The following ITPR1 variants were observed in gnomAD, a reference collection of about 807,000 sequenced individuals.
The protein encoded by ITPR1 is inositol 1,4,5-trisphosphate receptor type 1.
Under a neutral mutation model 318.4 loss-of-function variants are expected in ITPR1, and 96 were observed. The ratio of observed to expected loss-of-function variants is 0.30; its 90% CI spans 0.26 to 0.36. The LOEUF (loss-of-function observed/expected upper bound fraction) is 0.36, where lower values mean the gene tolerates loss of function less well. ITPR1 is among the 10% of genes least tolerant of loss of function. The probability of loss-of-function intolerance (pLI) is 1.00; values close to 1 mark genes in which losing one functional copy is unlikely to be tolerated. For missense variants in ITPR1, 2,440 were observed against 3,460.2 expected, an observed-to-expected ratio of 0.71 and a Z score of 7.40; for synonymous variants, 1,312 against 1,289.9, an observed-to-expected ratio of 1.02 and a Z score of -0.37.
intron 4 of ITPR1, among the ~76,000 whole-genome samples, chr3:4,566,891 T>C (rs2087344895): frequency 6.6e-6 from 1 of 152,204 alleles, no homozygotes; most frequent in East Asian, 1.9e-4. Flanking sequence ...TCTTTTCCTC[T>C]CTCTTTCTCT....
At chr3:4,772,922 A>G (rs781711538) in intron 46 of ITPR1, among the ~76,000 whole-genome samples, 1 of 152,188 alleles carries the variant, frequency 6.6e-6, no homozygotes, top group Admixed American at 6.5e-5. Flanking sequence ...GGGGAGTTTG[A>G]AACACGTGGG....
intron 55 of ITPR1, 86 bp from the exon 56 acceptor site, chr3:4,811,177 ACT>A (rs2048919682): frequency 1.1e-6 from 1 of 902,922 alleles, no homozygotes; most frequent in African/African-American, 1.7e-5. Flanking sequence ...AAGAGGGCAA[ACT>A]CTCTATAAAC....
intron 61 of ITPR1, 134 bp from the exon 62 acceptor site, chr3:4,846,005 T>C: frequency 2.0e-6 from 1 of 512,408 alleles, no homozygotes; most frequent in Non-Finnish European, 3.5e-6. Context: ...GTGTTTGATA[T>C]AGCGATGGTA....
At chr3:4,600,181 T>C (rs1306387496) in intron 4 of ITPR1, among the ~76,000 whole-genome samples, 1 of 152,212 alleles carries the variant, frequency 6.6e-6, no homozygotes, top group Non-Finnish European at 1.5e-5. Flanking sequence ...TTTTTAAAAA[T>C]TTTACCTCTG....
chr3:4,726,652 G>T (rs2042537505), intron 41 of ITPR1, among the ~76,000 whole-genome samples: 1 of 152,140 alleles, frequency 6.6e-6, no homozygotes, highest in South Asian at 2.1e-4. Context: ...TAACGGTTTT[G>T]TTACAAGACT....
intron 36 of ITPR1, among the ~76,000 whole-genome samples, chr3:4,703,218 C>G (rs2094692040): frequency 1.3e-5 from 2 of 152,212 alleles, no homozygotes; most frequent in Admixed American, 1.3e-4. Context: ...AATTCTTTGG[C>G]AAGTAACGAT....
chr3:4,776,362 G>A (rs1452302552), intron 47 of ITPR1, among the ~76,000 whole-genome samples: 2 of 152,138 alleles, frequency 1.3e-5, no homozygotes, highest in African/African-American at 2.4e-5. Flanking sequence ...GAGCCACCGC[G>A]CCCAGCCAAG....
chr3:4,688,678 G>A, intron 31 of ITPR1, 58 bp downstream of exon 31: 1 of 1,554,004 alleles, frequency 6.4e-7, no homozygotes, highest in Non-Finnish European at 8.8e-7. Flanking sequence ...GAAGAGGGAG[G>A]AGGAACAGCT....
At position 4,800,460 on chromosome 3, in the gene ITPR1, A is replaced by G. The variant is rs777477125; in HGVS notation, c.6967A>G (p.Thr2323Ala). Residue 2323 changes from threonine to alanine, a missense_variant, in exon 54 of 62, where the codon ACA becomes GCA. Thr to Ala is a moderately conservative substitution (Grantham distance 58, BLOSUM62 0). This residue lies in a region of ITPR1 where 126 missense variants were observed against 150.8 expected (regional missense o/e 0.84). Transcript: ENST00000649015. Reference protein sequence around the residue: ...LEPHWSGLLWTAMLISLAIVI... With the variant: ...LEPHWSGLLWAAMLISLAIVI... ...GCCCCACTGGTCGGGACTCCTGTGG[A>G]CAGCCATGCTCATCTCTCTGGCCAT... 4 of 1,613,874 alleles carry G rather than the reference A, an allele frequency of 2.5e-6. No homozygotes were observed. In the South Asian group the frequency reaches 3.3e-5, roughly 13 times the overall value.
In ITPR1 at chr3:4,683,444, C is replaced by T. The variant is rs2125232589; in HGVS notation, c.3220C>T (p.Leu1074=). The T allele has an allele frequency of 6.2e-7, 1 of 1,614,048 alleles. No individual in the cohort carries two copies. Among genetic ancestry groups the T allele is most frequent in the Non-Finnish European group, 8.5e-7 (1 of 1,179,894 alleles). ...CGGCGGCAGAACCTTTCTCCGTGTC[C>T]TGCTCCACTTGACGATGCATGACTA... is the stretch of plus-strand genomic sequence containing the variant. ...DHGGRTFLRV[L]LHLTMHDYPP... The change falls in exon 27 of 62, where the codon CTG becomes TTG. Residue 1074 remains leucine, a synonymous_variant. Coordinates refer to ENST00000649015, the MANE Select transcript of ITPR1 (RefSeq NM_001378452.1).
chr3:4,502,439 C>T (rs2081089439), intron 2 of ITPR1, among the ~76,000 whole-genome samples: 1 of 151,638 alleles, frequency 6.6e-6, no homozygotes, highest in Non-Finnish European at 1.5e-5. Flanking sequence ...TTTTGTACCC[C>T]TCTCTCCTTT....
At chr3:4,745,315 T>G (rs2044024385) in intron 44 of ITPR1, among the ~76,000 whole-genome samples, 1 of 152,090 alleles carries the variant, frequency 6.6e-6, no homozygotes, top group South Asian at 2.1e-4. Context: ...TCACCCCAGT[T>G]TACTATCTTT....
At chr3:4,516,213 G>C (rs1255162855) in intron 2 of ITPR1, among the ~76,000 whole-genome samples, 1 of 152,202 alleles carries the variant, frequency 6.6e-6, no homozygotes, top group Non-Finnish European at 1.5e-5. Context: ...TCAACTTGTA[G>C]AATCTGATTC....
chr3:4,558,599 A>G (rs950033394), intron 4 of ITPR1, among the ~76,000 whole-genome samples: 11 of 152,188 alleles, frequency 7.2e-5, no homozygotes, highest in African/African-American at 2.7e-4. Flanking sequence ...TACTTTTTTA[A>G]AAAATGAAAA....
intron 32 of ITPR1, among the ~76,000 whole-genome samples, chr3:4,692,866 A>G (rs1011079616): frequency 4.6e-5 from 7 of 152,360 alleles, no homozygotes; most frequent in Admixed American, 1.3e-4. Flanking sequence ...CACACCTATA[A>G]TCCCAGCACT....
intron 2 of ITPR1, 96 bp downstream of exon 2, chr3:4,494,602 G>A (rs1293336784): frequency 6.6e-5 from 10 of 152,216 alleles, no homozygotes; most frequent in Non-Finnish European, 1.0e-4. Context: ...TGGGGAGTAA[G>A]AAAGAAAAAG....
intron 42 of ITPR1, among the ~76,000 whole-genome samples, chr3:4,728,645 G>C (rs1440033806): frequency 6.6e-6 from 1 of 152,126 alleles, no homozygotes; most frequent in East Asian, 1.9e-4. Flanking sequence ...TGTTATTGTT[G>C]ACTGTAGTCA....
chr3:4,784,469 C>T (rs565257721), intron 51 of ITPR1, among the ~76,000 whole-genome samples: 47 of 152,118 alleles, frequency 3.1e-4, no homozygotes, highest in Non-Finnish European at 6.0e-4. Context: ...GTCCTATCAA[C>T]CATCCTTATG....
At chr3:4,521,736 G>A (rs750915750) in intron 4 of ITPR1, among the ~76,000 whole-genome samples, 8 of 152,178 alleles carry the variant, frequency 5.3e-5, no homozygotes, top group Non-Finnish European at 8.8e-5. Flanking sequence ...GGGTGTGGTA[G>A]CATGCACCTG....
Sources: allele counts gnomAD v4.1 joint callset (sites outside exome capture counted in the v4.1 genomes callset), GRCh38; gene constraint gnomAD v4.1.1; regional missense constraint gnomAD v4.1.1; transcripts MANE v1.5; gene names NCBI Gene and HGNC (gene_info 2026-07-23, HGNC 2026-07-21).